ST3GAL5: variants seen among roughly 807,000 people sequenced by gnomAD.
ST3GAL5 encodes the protein lactosylceramide alpha-2,3-sialyltransferase.
A neutral mutation model predicts 46.1 loss-of-function variants in ST3GAL5; 25 were observed. The observed-to-expected ratio is 0.54, with a 90% CI of 0.40 to 0.76. ST3GAL5 has a LOEUF of 0.76. Among genes scored for constraint, ST3GAL5 ranks in the 30% least tolerant of loss-of-function variants. The pLI, the probability that ST3GAL5 is intolerant of heterozygous loss-of-function variation, is 0.00. For missense variants in ST3GAL5, 431 were observed against 521.2 expected (o/e 0.83, Z 1.69); for synonymous variants, 182 against 192.7 (o/e 0.94, Z 0.46).
In ST3GAL5 at chr2:85,840,087, G is replaced by T. The variant is rs947447058; in HGVS notation, c.*57C>A. 6.2e-7 allele frequency: 1 copy of T among 1,612,498 alleles called. No individual in the cohort carries two copies. The highest frequency in any genetic ancestry group is 1.3e-5 in the African/African-American group (1 of 74,884). ...CAGGATGGAGAAATACATCAAGAAG[G>T]CTGTCAAAAACAGCTCTCAGAGTTA... is the stretch of plus-strand genomic sequence containing the variant. On this transcript the variant is annotated 3_prime_UTR_variant, in exon 7 of 7. Transcript: ENST00000638572.
intron 3 of ST3GAL5, chr2:85,851,527 G>A (rs1247048559): frequency 1.6e-6 from 2 of 1,289,164 alleles, no homozygotes; most frequent in East Asian, 1.1e-4. Flanking sequence ...TTCTGTTCTT[G>A]CTTCAATGGT....
rs1222260555 is a variant in ST3GAL5 at position 85,837,834 on chromosome 2, T to G, written c.*2310A>C. 6.6e-6 allele frequency: 1 copy of G among 152,162 alleles called. No individual in the cohort carries two copies. The highest frequency in any genetic ancestry group is 1.5e-5 in the Non-Finnish European group (1 of 68,042). The allele number at this position is 152,162 out of a possible 1,614,324, so 9.4% of individuals were successfully genotyped here. On this transcript the variant is annotated 3_prime_UTR_variant, in exon 7 of 7. Coordinates refer to ENST00000638572, the MANE Select transcript of ST3GAL5 (RefSeq NM_003896.4). Reference sequence around the variant, plus strand: ...GTTGCCTCAGAACCAGTGATTTCATTTATGTCGGAGGGTGTGTGTGCGGGT... The same window carrying G: ...GTTGCCTCAGAACCAGTGATTTCATGTATGTCGGAGGGTGTGTGTGCGGGT...
At chr2:85,887,705 C>T (rs1687904287) in intron 1 of ST3GAL5, 1 of 152,266 alleles carries the variant, frequency 6.6e-6, no homozygotes, top group Non-Finnish European at 1.5e-5. Context: ...AGTCTGTGCC[C>T]CTTCATGCAG....
rs1037911316 is a variant in ST3GAL5 at position 85,839,618 on chromosome 2, C to A, written c.*526G>T. The A allele has an allele frequency of 5.5e-6, 1 of 183,412 alleles. No individual in the cohort carries two copies. The highest frequency in any genetic ancestry group is 2.4e-5 in the African/African-American group (1 of 41,862). The allele number at this position is 183,412 out of a possible 1,614,324, so 11.4% of individuals were successfully genotyped here. On this transcript the variant is annotated 3_prime_UTR_variant, in exon 7 of 7. Coordinates refer to ENST00000638572, the MANE Select transcript of ST3GAL5 (RefSeq NM_003896.4). ...GCAGACCAACAGAGAAGGGTTGTGA[C>A]CTTCTCCAACCAGCCCAGGCCTCAC...
chr2:85,845,006 C>G (rs1284588199), intron 5 of ST3GAL5: 1 of 238,546 alleles, frequency 4.2e-6, no homozygotes, highest in East Asian at 1.0e-4. Flanking sequence ...AATAGAAAAT[C>G]CAGAAGACCA....
intron 1 of ST3GAL5, chr2:85,888,567 C>G: frequency 3.8e-6 from 1 of 261,154 alleles, no homozygotes; most frequent in Non-Finnish European, 7.2e-6. Flanking sequence ...CGGCGGGACC[C>G]GACACCCGGC....
intron 3 of ST3GAL5, chr2:85,851,445 A>G: frequency 8.1e-7 from 1 of 1,232,706 alleles, no homozygotes; most frequent in Non-Finnish European, 1.0e-6. Context: ...TAGAGAGCTC[A>G]CACAGAACTC....
Position 85,861,210 on chromosome 2 carries a change from T to C in ST3GAL5, c.289A>G (p.Met97Val), listed in dbSNP as rs774010852. The C allele has an allele frequency of 3.7e-6, 6 of 1,610,988 alleles. No individual in the cohort carries two copies. The highest frequency in any genetic ancestry group is 5.1e-6 in the Non-Finnish European group (6 of 1,177,636). ...YTTEECDMKK[M>V]HYVDPDHVKR... Reference sequence around the variant, plus strand: ...ACATGGTCAGGGTCCACATAATGCATTTTTTTCATGTCACATTCTTCAGTA... The same window carrying C: ...ACATGGTCAGGGTCCACATAATGCACTTTTTTCATGTCACATTCTTCAGTA... The change falls in exon 3 of 7, where the codon ATG becomes GTG. Residue 97 changes from methionine (M) to valine (V), a missense_variant. Met to Val is a conservative substitution (Grantham distance 21, BLOSUM62 1). Transcript: ENST00000638572.
intron 1 of ST3GAL5, among the ~76,000 whole-genome samples, chr2:85,878,993 G>C (rs112612232): frequency 0.012 from 1,892 of 152,262 alleles, 44 homozygotes; most frequent in African/African-American, 0.043. Context: ...TGTGTGCTCG[G>C]GCCAGATTAC....
At chr2:85,876,146 C>T (rs1297760404) in intron 1 of ST3GAL5, among the ~76,000 whole-genome samples, 2 of 151,380 alleles carry the variant, frequency 1.3e-5, no homozygotes, top group Non-Finnish European at 2.9e-5. Context: ...ATGCACCCTC[C>T]AAGAGGTCCA....
chr2:85,873,017 A>G (rs1686122081), intron 1 of ST3GAL5, among the ~76,000 whole-genome samples: 1 of 152,178 alleles, frequency 6.6e-6, no homozygotes, highest in Non-Finnish European at 1.5e-5. Flanking sequence ...TGCTGTGGGC[A>G]GACAGAATGA....
intron 3 of ST3GAL5, chr2:85,848,478 AAC>A: frequency 8.1e-7 from 1 of 1,227,712 alleles, no homozygotes; most frequent in Non-Finnish European, 1.1e-6. Context: ...CCCCCAGCCT[AAC>A]ACTGTTCAAA....
In ST3GAL5 at chr2:85,840,098, C is replaced by T. The variant is rs759653715; in HGVS notation, c.*46G>A. 2 of 1,613,976 alleles carry T rather than the reference C, an allele frequency of 1.2e-6. No homozygotes were observed. Among genetic ancestry groups the T allele is most frequent in the Middle Eastern group, 1.6e-4 (1 of 6,062 alleles). On this transcript the variant is annotated 3_prime_UTR_variant, in exon 7 of 7. Coordinates refer to ENST00000638572, the MANE Select transcript of ST3GAL5 (RefSeq NM_003896.4). ...AATACATCAAGAAGGCTGTCAAAAA[C>T]AGCTCTCAGAGTTAGAGTTGCATTT... is the stretch of plus-strand genomic sequence containing the variant.
At chr2:85,885,822 C>CAA (rs1263574205) in intron 1 of ST3GAL5, among the ~76,000 whole-genome samples, 4 of 78,256 alleles carry the variant, frequency 5.1e-5, no homozygotes, top group Non-Finnish European at 5.2e-5. Context: ...GACTCTGTCT[C>CAA]AAAAAAAAAA....
intron 1 of ST3GAL5, chr2:85,870,213 A>G (rs1296802889): frequency 2.1e-6 from 1 of 471,028 alleles, no homozygotes; most frequent in Non-Finnish European, 4.4e-6. Context: ...TGCAGATTCC[A>G]TGCAAGCAGG....
chr2:85,867,908 G>T, intron 1 of ST3GAL5: 1 of 526,572 alleles, frequency 1.9e-6, no homozygotes, highest in Non-Finnish European at 3.5e-6. Flanking sequence ...CATCCAAGAT[G>T]GCATTGCTTT....
intron 3 of ST3GAL5, among the ~76,000 whole-genome samples, chr2:85,851,867 G>A (rs114836132): frequency 3.3e-5 from 5 of 152,304 alleles, no homozygotes; most frequent in African/African-American, 7.2e-5. Context: ...ACTCCCGTTC[G>A]TCTTATATCC....
chr2:85,851,615 C>T (rs941112279), intron 3 of ST3GAL5: 2 of 1,289,358 alleles, frequency 1.6e-6, no homozygotes, highest in African/African-American at 3.0e-5. Context: ...CCGGCATCTG[C>T]TTCAGCTGCT....
At chr2:85,872,281 ATTG>A (rs1259071491) in intron 1 of ST3GAL5, among the ~76,000 whole-genome samples, 6 of 152,194 alleles carry the variant, frequency 3.9e-5, no homozygotes, top group Non-Finnish European at 7.4e-5. Context: ...ATGGAAGTCA[ATTG>A]TTGTCCTTGA....
Sources: allele counts gnomAD v4.1 joint callset (sites outside exome capture counted in the v4.1 genomes callset), GRCh38; gene constraint gnomAD v4.1.1; transcripts MANE v1.5; gene names NCBI Gene and HGNC (gene_info 2026-07-23, HGNC 2026-07-21).